TLL2: variants seen among roughly 807,000 people sequenced by gnomAD.
TLL2 encodes tolloid like 2, also known as tolloid-like protein 2.
In TLL2, 106 loss-of-function variants were observed where a neutral mutation model predicts 123.0. That is an observed-to-expected ratio of 0.86 (90% CI 0.74 to 1.01). The LOEUF (loss-of-function observed/expected upper bound fraction) is 1.01. Among genes scored for constraint, TLL2 ranks in the 50% least tolerant of loss-of-function variants. The pLI is 0.00. For missense variants in TLL2, 1,332 were observed against 1,336.7 expected, an observed-to-expected ratio of 1.00 and a Z score of 0.06; for synonymous variants, 494 against 516.8, an observed-to-expected ratio of 0.96 and a Z score of 0.60.
Position 96,421,037 on chromosome 10 carries a change from A to G in TLL2, c.842T>C (p.Met281Thr), listed in dbSNP as rs1846615682. The G allele has an allele frequency of 1.2e-6, 2 of 1,614,098 alleles. No homozygotes were observed. Among genetic ancestry groups the G allele is most frequent in the Non-Finnish European group, 1.7e-6 (2 of 1,179,960 alleles). ...CAGAGAGCTCACTTCCCCAGCTTCC[A>G]TTTTTAAGAAATTATACTCCTGACC... ...QPGQEYNFLK[M>T]EAGEVSSLGE... The change falls in exon 7 of 21, where the codon ATG (methionine) becomes ACG (threonine). Residue 281 changes from methionine (M) to threonine (T), a missense_variant. Met to Thr is a moderately conservative substitution (Grantham distance 81). Transcript: ENST00000357947.
At chr10:96,418,384 T>C (rs1290527296) in intron 7 of TLL2, among the ~76,000 whole-genome samples, 2 of 152,198 alleles carry the variant, frequency 1.3e-5, no homozygotes, top group Non-Finnish European at 2.9e-5. Flanking sequence ...ACAAATGCCC[T>C]ACATGGTACA....
chr10:96,461,731 C>A lies in TLL2; in HGVS notation c.287-15563G>T, dbSNP rs1252835831. 3.9e-5 allele frequency among the ~76,000 whole-genome samples: 6 copies of A among 152,350 alleles called. No individual in the cohort carries two copies. In the East Asian group the frequency reaches 1.2e-3, roughly 29 times the overall value. The stretch of plus-strand genomic sequence containing the variant: ...ATCTCTGTCCTCTGTGCTTCTTTTA[C>A]ATCTCTTCCAAGGCCTTGTGCTCAT... On this transcript the variant is annotated intron_variant, in intron 2 of 20. Transcript: ENST00000357947.
Position 96,428,742 on chromosome 10 carries a change from T to G in TLL2, c.527A>C (p.Gln176Pro). 1.2e-6 allele frequency: 2 copies of G among 1,610,990 alleles called. No individual in the cohort carries two copies. Among genetic ancestry groups the G allele is most frequent in the Non-Finnish European group, 1.7e-6 (2 of 1,177,854 alleles). Residue 176 changes from glutamine to proline, a missense_variant, in exon 5 of 21, where the codon CAG (glutamine) becomes CCG (proline). Coordinates refer to ENST00000357947, the MANE Select transcript of TLL2 (RefSeq NM_012465.4). Reference protein sequence around the residue: ...YVIGGNFTGSQRAIFKQAMRH... With the variant: ...YVIGGNFTGSPRAIFKQAMRH... ...CATGGCCTGCTTAAAAATGGCCCTC[T>G]GGCTCCCTGAAACAACAGGGCAAGC... is the stretch of plus-strand genomic sequence containing the variant.
intron 13 of TLL2, 35 bp from the exon 14 acceptor site, chr10:96,387,113 T>A (rs953222930): frequency 2.5e-6 from 4 of 1,602,778 alleles, no homozygotes; most frequent in Non-Finnish European, 3.4e-6. Flanking sequence ...GGTTACATTG[T>A]CAGGAAGCCT....
In TLL2 at chr10:96,410,358, C is replaced by T. The variant is rs752080207; in HGVS notation, c.1164+1G>A. The T allele has an allele frequency of 1.2e-6, 2 of 1,612,218 alleles. No homozygotes were observed. The highest frequency in any genetic ancestry group is 2.7e-5 in the African/African-American group (2 of 74,974). ...ATTTGCCAAGGGGGCTTCCCACCTA[C>T]CTTTTCCCCTGGGGTGACCGAGATC... On this transcript the variant is annotated splice_donor_variant, in intron 9 of 20. Transcript: ENST00000357947. LOFTEE classifies it high-confidence loss of function.
intron 1 of TLL2, among the ~76,000 whole-genome samples, chr10:96,488,089 A>G (rs979280060): frequency 2.6e-5 from 4 of 152,152 alleles, no homozygotes; most frequent in African/African-American, 7.2e-5. Flanking sequence ...TATCTTCCAC[A>G]TGGGGTTGTT....
chr10:96,506,675 G>A (rs558267850), intron 1 of TLL2, among the ~76,000 whole-genome samples: 6 of 152,074 alleles, frequency 3.9e-5, no homozygotes, highest in South Asian at 4.2e-4. Flanking sequence ...CTGGGGCTGT[G>A]TGGATGGCTC....
intron 10 of TLL2, among the ~76,000 whole-genome samples, chr10:96,401,120 A>T (rs945123436): frequency 6.6e-6 from 1 of 152,216 alleles, no homozygotes. Flanking sequence ...GATATCAAGA[A>T]GAGGAAATGC....
intron 1 of TLL2, among the ~76,000 whole-genome samples, chr10:96,485,605 A>C (rs1437317286): frequency 6.6e-6 from 1 of 152,230 alleles, no homozygotes; most frequent in Non-Finnish European, 1.5e-5. Flanking sequence ...CTTCACAGCC[A>C]TTTGGATGGC....
rs753965633 is a variant in TLL2 at position 96,368,205 on chromosome 10, G to A, written c.2931C>T (p.Tyr977=). Reference sequence around the variant, plus strand: ...GAATCATCAGGGAATCACCTGCAGAGTAGATTTCTTCTAATGGCTGAGGAA... The same window carrying A: ...GAATCATCAGGGAATCACCTGCAGAATAGATTTCTTCTAATGGCTGAGGAA... ...FCGSGPLEEI[Y]SAGDSLMIRF... The change falls in exon 21 of 21, where the codon TAC becomes TAT. Residue 977 remains tyrosine (Y), a synonymous_variant. Coordinates refer to ENST00000357947, the MANE Select transcript of TLL2 (RefSeq NM_012465.4). The A allele has an allele frequency of 6.2e-7, 1 of 1,613,994 alleles. No individual in the cohort carries two copies. The highest frequency in any genetic ancestry group is 8.5e-7 in the Non-Finnish European group (1 of 1,180,042).
chr10:96,431,941 G>A (rs1846745991), intron 4 of TLL2, among the ~76,000 whole-genome samples: 1 of 152,126 alleles, frequency 6.6e-6, no homozygotes, highest in Non-Finnish European at 1.5e-5. Flanking sequence ...AGGGGCCTAT[G>A]AGGGGGGCAC....
intron 2 of TLL2, among the ~76,000 whole-genome samples, chr10:96,474,910 A>G (rs940803205): frequency 6.6e-5 from 10 of 152,292 alleles, no homozygotes; most frequent in Admixed American, 5.2e-4. Context: ...TTGTGGCTGC[A>G]TCACTTCAAT....
chr10:96,401,716 C>G (rs1378525498), intron 10 of TLL2, among the ~76,000 whole-genome samples: 1 of 152,140 alleles, frequency 6.6e-6, no homozygotes, highest in Non-Finnish European at 1.5e-5. Context: ...AAAAGGAACT[C>G]CTGGAAATCT....
chr10:96,479,731 C>T (rs75503359), intron 2 of TLL2, among the ~76,000 whole-genome samples: 2 of 152,240 alleles, frequency 1.3e-5, no homozygotes, highest in African/African-American at 2.4e-5. Context: ...CACTGTCTAC[C>T]CCAGCTAACT....
In TLL2 at chr10:96,370,122, T is replaced by G; in HGVS notation, c.2856A>C (p.Glu952Asp). Residue 952 changes from glutamate to aspartate, a missense_variant, in exon 20 of 21, where the codon GAA (glutamate) becomes GAC (aspartate). Transcript: ENST00000357947. ...EEADCGYDYM[E>D]AYDGYDSSAP... ...CTGAGCTGTCGTAGCCGTCGTAGGC[T>G]TCCATGTAGTCGTAGCCGCAGTCGG... The G allele has an allele frequency of 1.2e-6, 2 of 1,613,670 alleles. No homozygotes were observed. Among genetic ancestry groups the G allele is most frequent in the Admixed American group, 3.3e-5 (2 of 59,980 alleles).
chr10:96,426,089 A>G (rs753724280), intron 5 of TLL2, among the ~76,000 whole-genome samples: 18 of 152,118 alleles, frequency 1.2e-4, no homozygotes, highest in African/African-American at 3.1e-4. Flanking sequence ...TTTTTAAAAC[A>G]AAAACTGCAT....
chr10:96,400,652 A>T (rs1253104477), intron 10 of TLL2, among the ~76,000 whole-genome samples: 1 of 152,256 alleles, frequency 6.6e-6, no homozygotes, highest in Non-Finnish European at 1.5e-5. Context: ...CTGATCGGCC[A>T]GCCTGGCCTT....
At chr10:96,414,686 TCC>T in intron 7 of TLL2, among the ~76,000 whole-genome samples, 1 of 152,054 alleles carries the variant, frequency 6.6e-6, no homozygotes, top group Non-Finnish European at 1.5e-5. Flanking sequence ...TCGTAACACC[TCC>T]CCTGGGCTGT....
At chr10:96,461,794 C>A (rs537620989) in intron 2 of TLL2, among the ~76,000 whole-genome samples, 2 of 152,348 alleles carry the variant, frequency 1.3e-5, no homozygotes, top group Admixed American at 1.3e-4. Context: ...CCATAGGGCA[C>A]CTCTCTGTGC....
Sources: gnomAD v4.1 joint callset for allele counts (sites outside exome capture counted in the v4.1 genomes callset) on GRCh38, gnomAD v4.1.1 for gene constraint, MANE v1.5 for transcripts, NCBI Gene and HGNC (gene_info 2026-07-23, HGNC 2026-07-21) for gene names.